The following SLC10A1 variants were observed in gnomAD, a reference collection of about 807,000 sequenced individuals.
The protein encoded by SLC10A1 is solute carrier family 10 member 1.
A neutral mutation model predicts 20.5 loss-of-function variants in SLC10A1; 36 were observed. The ratio of observed to expected loss-of-function variants is 1.75; its 90% CI spans 1.34 to 2.32. The LOEUF (loss-of-function observed/expected upper bound fraction) is 2.32, where lower values mean the gene tolerates loss of function less well. Ranked by LOEUF, SLC10A1 falls within the 30% of genes most tolerant of loss-of-function variation. The probability of loss-of-function intolerance (pLI) is 0.00; values close to 1 mark genes in which losing one functional copy is unlikely to be tolerated. For synonymous variants in SLC10A1, 188 were observed against 163.6 expected, an observed-to-expected ratio of 1.15 and a Z score of -1.14; for missense variants, 545 against 439.1, an observed-to-expected ratio of 1.24 and a Z score of -2.16.
intron 1 of SLC10A1, among the ~76,000 whole-genome samples, chr14:69,795,549 C>T (rs1275113095): frequency 6.6e-6 from 1 of 151,916 alleles, no homozygotes; most frequent in Non-Finnish European, 1.5e-5. Context: ...GGACTACAGG[C>T]ATGTGCCACT....
rs149467297 is a variant in SLC10A1 at position 69,786,246 on chromosome 14, T to C, written c.418A>G (p.Ile140Val). The C allele has an allele frequency of 2.2e-5, 35 of 1,613,800 alleles. No homozygotes were observed. Among genetic ancestry groups the C allele is most frequent in the Non-Finnish European group, 2.9e-5 (34 of 1,179,966 alleles). ...CCATCATAGATCCCCCTGGAGTAGA[T>C]GTACAGGAGGAGAGGCATCATGCCA... ...ALGMMPLLLY[I>V]YSRGIYDGDL... Residue 140 changes from isoleucine (I) to valine (V), a missense_variant, in exon 2 of 5, where the codon ATC becomes GTC. Coordinates refer to ENST00000216540, the MANE Select transcript of SLC10A1 (RefSeq NM_003049.4).
rs182004992 is a variant in SLC10A1 at position 69,778,099 on chromosome 14, A to G, written c.943+234T>C. 2.6e-4 allele frequency among the ~76,000 whole-genome samples: 39 copies of G among 152,322 alleles called. No homozygotes were observed. The East Asian group carries it at 5.4e-3, about 21-fold the overall frequency. On this transcript the variant is annotated intron_variant, in intron 4 of 4. Coordinates refer to ENST00000216540, the MANE Select transcript of SLC10A1 (RefSeq NM_003049.4). ...CCAAATTGCTTCAGTTTTATGAGGT[A>G]AACTGCATCTGCAATTTCATTCTCC... is the stretch of plus-strand genomic sequence containing the variant.
At chr14:69,782,756 C>A (rs571336607) in intron 2 of SLC10A1, among the ~76,000 whole-genome samples, 1 of 150,798 alleles carries the variant, frequency 6.6e-6, no homozygotes, top group African/African-American at 2.4e-5. Flanking sequence ...TGCAGTGAGC[C>A]GAGCTCGCGC....
chr14:69,793,328 C>T (rs888540081), intron 1 of SLC10A1, among the ~76,000 whole-genome samples: 13 of 152,154 alleles, frequency 8.5e-5, no homozygotes, highest in Admixed American at 8.5e-4. Flanking sequence ...CTTGGTTTAC[C>T]CCAAGGGACA....
intron 2 of SLC10A1, among the ~76,000 whole-genome samples, chr14:69,781,662 G>A (rs999587086): frequency 1.3e-5 from 2 of 152,186 alleles, no homozygotes; most frequent in Non-Finnish European, 2.9e-5. Context: ...ATGAAATGGT[G>A]GGATCCTTAT....
intron 1 of SLC10A1, among the ~76,000 whole-genome samples, chr14:69,789,400 A>T (rs1243279846): frequency 6.6e-6 from 1 of 152,262 alleles, no homozygotes; most frequent in Admixed American, 6.5e-5. Flanking sequence ...GTATTGTGAC[A>T]TGCTATCACA....
In SLC10A1 at chr14:69,775,994, CTT is replaced by C. The variant is rs1883436353; in HGVS notation, c.*286_*287del. On this transcript the variant is annotated 3_prime_UTR_variant, in exon 5 of 5. Transcript: ENST00000216540. ...GTGACTTTAAGATGCTTATCAGACACTTTTAGAGATCCCAGCAAGAGGCAGAT... is the reference window on the plus strand; with the variant it reads ...GTGACTTTAAGATGCTTATCAGACACTTAGAGATCCCAGCAAGAGGCAGAT... The C allele has an allele frequency of 2.1e-5, 8 of 386,452 alleles. No individual in the cohort carries two copies. The highest frequency in any genetic ancestry group is 5.0e-5 in the East Asian group (1 of 20,150). 23.9% of individuals were successfully genotyped at this position (386,452 alleles called of 1,614,324 possible).
chr14:69,786,310 G>A lies in SLC10A1; in HGVS notation c.357-3C>T, dbSNP rs889926222. On this transcript the variant is annotated splice_region_variant and splice_polypyrimidine_tract_variant and intron_variant, in intron 1 of 4. Coordinates refer to ENST00000216540, the MANE Select transcript of SLC10A1 (RefSeq NM_003049.4). The stretch of plus-strand genomic sequence containing the variant: ...TGGAGCAGGTGGTCATCACAATGCT[G>A]GTGGGAGACATGGGAAGAGGGGAGA... 3.1e-6 allele frequency: 5 copies of A among 1,613,120 alleles called. No individual in the cohort carries two copies. Among genetic ancestry groups the A allele is most frequent in the African/African-American group, 1.3e-5 (1 of 74,888 alleles).
chr14:69,778,551 C>T, intron 3 of SLC10A1, 22 bp from the exon 4 acceptor site: 2 of 1,567,262 alleles, frequency 1.3e-6, no homozygotes, highest in Non-Finnish European at 1.7e-6. Context: ...AAGAAAACCC[C>T]ACATACACTC....
intron 1 of SLC10A1, among the ~76,000 whole-genome samples, chr14:69,792,615 C>A (rs1882300166): frequency 6.6e-6 from 1 of 152,168 alleles, no homozygotes; most frequent in South Asian, 2.1e-4. Context: ...TGAACAATGA[C>A]CTTGGAGACC....
chr14:69,781,541 G>A (rs907635879), intron 2 of SLC10A1, among the ~76,000 whole-genome samples: 1 of 152,248 alleles, frequency 6.6e-6, no homozygotes, highest in African/African-American at 2.4e-5. Context: ...CAGAACAGAG[G>A]TCTGGGAGCA....
intron 3 of SLC10A1, among the ~76,000 whole-genome samples, chr14:69,778,763 A>G (rs907125040): frequency 2.6e-5 from 4 of 152,204 alleles, no homozygotes; most frequent in Non-Finnish European, 4.4e-5. Context: ...GTGCATCTGA[A>G]CATATTGCCA....
rs138742546 is a variant in SLC10A1, at chr14:69,776,006, C to A, written c.*276G>T. The stretch of plus-strand genomic sequence containing the variant: ...TGCTTATCAGACACTTTTAGAGATC[C>A]CAGCAAGAGGCAGATTCGGTTTCTG... On this transcript the variant is annotated 3_prime_UTR_variant, in exon 5 of 5. Coordinates refer to ENST00000216540, the MANE Select transcript of SLC10A1 (RefSeq NM_003049.4). 17 of 404,472 alleles carry A rather than the reference C, an allele frequency of 4.2e-5. No individual in the cohort carries two copies. The highest frequency in any genetic ancestry group is 6.5e-4 in the Middle Eastern group (1 of 1,540). 25.1% of individuals were successfully genotyped at this position (404,472 alleles called of 1,614,324 possible).
intron 2 of SLC10A1, 64 bp downstream of exon 2, chr14:69,786,033 C>A (rs1883703030): frequency 3.5e-6 from 4 of 1,158,278 alleles, no homozygotes; most frequent in Non-Finnish European, 5.2e-6. Context: ...ATGATTATAT[C>A]TTATAGTTGT....
At position 69,775,654 on chromosome 14, in the gene SLC10A1, T is replaced by C. The variant is rs1018470728; in HGVS notation, c.*628A>G. The C allele has an allele frequency of 6.6e-6, 1 of 152,230 alleles. No individual in the cohort carries two copies. The highest frequency in any genetic ancestry group is 1.5e-5 in the Non-Finnish European group (1 of 68,046). The allele number at this position is 152,230 out of a possible 1,614,324, so 9.4% of individuals were successfully genotyped here. On this transcript the variant is annotated 3_prime_UTR_variant, in exon 5 of 5. Transcript: ENST00000216540. ...TCCTGGTTTTTCCTTGTCAAAAGTT[T>C]TCCTCCTCTACTAACATGATGCATT...
chr14:69,786,927 G>C (rs776465922), intron 1 of SLC10A1, among the ~76,000 whole-genome samples: 9 of 152,178 alleles, frequency 5.9e-5, no homozygotes, highest in Non-Finnish European at 1.2e-4. Flanking sequence ...TCAGGCAGAA[G>C]TCAAAAACCC....
In SLC10A1 at chr14:69,797,071, C is replaced by G; in HGVS notation, c.85G>C (p.Val29Leu). The G allele has an allele frequency of 6.2e-7, 1 of 1,614,152 alleles. No individual in the cohort carries two copies. The highest frequency in any genetic ancestry group is 8.5e-7 in the Non-Finnish European group (1 of 1,180,032). ...GKRPTDLALS[V>L]ILVFMLFFIM... ...AAGAACAACATGAACACCAGGATGA[C>G]GCTCAGTGCCAGGTCTGTGGGGCGC... Residue 29 changes from valine to leucine, a missense_variant, in exon 1 of 5, where the codon GTC becomes CTC. By Grantham distance (32) the Val-to-Leu change is conservative. Transcript: ENST00000216540.
chr14:69,796,839 T>C lies in SLC10A1; in HGVS notation c.317A>G (p.Asn106Ser), dbSNP rs200957618. Residue 106 changes from asparagine (N) to serine (S), a missense_variant, in exon 1 of 5, where the codon AAT becomes AGT. By Grantham distance (46) the Asn-to-Ser change is conservative (BLOSUM62 1). Coordinates refer to ENST00000216540, the MANE Select transcript of SLC10A1 (RefSeq NM_003049.4). ...CGCSPGGNLS[N>S]VFSLAMKGDM... ...CCCCTTCATGGCCAGACTGAAGACA[T>C]TGGACAGGTTCCCTCCAGGTGAGCA... 8 of 1,614,018 alleles carry C rather than the reference T, an allele frequency of 5.0e-6. No homozygotes were observed. The highest frequency in any genetic ancestry group is 4.5e-5 in the East Asian group (2 of 44,888).
chr14:69,791,555 C>G (rs1178260779), intron 1 of SLC10A1, among the ~76,000 whole-genome samples: 1 of 152,208 alleles, frequency 6.6e-6, no homozygotes, highest in African/African-American at 2.4e-5. Flanking sequence ...CAGCCTTGAC[C>G]TCCCAAAGTG....
Sources: gnomAD v4.1 joint callset for allele counts (sites outside exome capture counted in the v4.1 genomes callset) on GRCh38, gnomAD v4.1.1 for gene constraint, MANE v1.5 for transcripts, NCBI Gene and HGNC (gene_info 2026-07-23, HGNC 2026-07-21) for gene names.